Variants in SH3GL3 observed in about 807,000 individuals in gnomAD.
SH3GL3 encodes endophilin-A3.
A neutral mutation model predicts 47.7 loss-of-function variants in SH3GL3; 33 were observed. The ratio of observed to expected loss-of-function variants is 0.69; its 90% CI spans 0.52 to 0.92. The LOEUF is 0.92. Ranked by LOEUF, SH3GL3 falls within the 40% of genes least tolerant of loss-of-function variation. The probability of loss-of-function intolerance (pLI) is 0.00; values close to 1 mark genes in which losing one functional copy is unlikely to be tolerated. For missense variants in SH3GL3, 363 were observed against 417.8 expected, an observed-to-expected ratio of 0.87 and a Z score of 1.14; for synonymous variants, 155 against 148.8, an observed-to-expected ratio of 1.04 and a Z score of -0.30.
At chr15:83,526,597 G>T (rs1173864251) in intron 1 of SH3GL3, among the ~76,000 whole-genome samples, 1 of 152,094 alleles carries the variant, frequency 6.6e-6, no homozygotes, top group East Asian at 1.9e-4. Flanking sequence ...TCCCACTCAT[G>T]AGTGGGAGCT....
At chr15:83,627,124 C>T in the SH3GL3 span, among the ~76,000 whole-genome samples, 379 of 152,116 alleles carry the variant, frequency 2.5e-3, 2 homozygotes, top group African/African-American at 7.4e-3. Flanking sequence ...GGGCTGGGCG[C>T]GGTGGCTCAC....
intron 6 of SH3GL3, among the ~76,000 whole-genome samples, chr15:83,582,864 T>C (rs116410075): frequency 0.031 from 4,757 of 152,268 alleles, 260 homozygotes; most frequent in African/African-American, 0.11. Flanking sequence ...AGAATAAAAG[T>C]GTAAGGGATT....
At chr15:83,498,373 T>G (rs1223672827) in intron 1 of SH3GL3, among the ~76,000 whole-genome samples, 1 of 152,130 alleles carries the variant, frequency 6.6e-6, no homozygotes, top group Non-Finnish European at 1.5e-5. Flanking sequence ...TTTCTGGAAA[T>G]TAAGCATATC....
chr15:83,612,861 C>T (rs967294623), intron 8 of SH3GL3, among the ~76,000 whole-genome samples: 1 of 152,236 alleles, frequency 6.6e-6, no homozygotes, highest in Non-Finnish European at 1.5e-5. Flanking sequence ...TTCTCTCTCT[C>T]TCTCGCTCTT....
At chr15:83,494,580 T>C (rs1385489518) in intron 1 of SH3GL3, among the ~76,000 whole-genome samples, 1 of 151,468 alleles carries the variant, frequency 6.6e-6, no homozygotes, top group East Asian at 1.9e-4. Context: ...TCTTGCTCTG[T>C]CACCCAGGCT....
intron 1 of SH3GL3, among the ~76,000 whole-genome samples, chr15:83,537,200 G>A (rs1459808915): frequency 4.6e-5 from 7 of 152,098 alleles, no homozygotes; most frequent in Non-Finnish European, 8.8e-5. Flanking sequence ...TCTTCATGTT[G>A]CCCCTTCTGT....
intron 1 of SH3GL3, among the ~76,000 whole-genome samples, chr15:83,511,312 G>A (rs2042737409): frequency 6.6e-6 from 1 of 152,086 alleles, no homozygotes; most frequent in East Asian, 1.9e-4. Context: ...CAGAGTGCCT[G>A]GTGTGCAGTC....
intron 1 of SH3GL3, among the ~76,000 whole-genome samples, chr15:83,511,137 A>G (rs1263827973): frequency 6.9e-6 from 1 of 145,466 alleles, no homozygotes; most frequent in Non-Finnish European, 1.5e-5. Context: ...AACTTAAAGT[A>G]TAATAATAAT....
At chr15:83,621,933 G>C (rs571451139), downstream of SH3GL3, among the ~76,000 whole-genome samples, 1 of 152,056 alleles carries the variant, frequency 6.6e-6, no homozygotes, top group East Asian at 1.9e-4. Flanking sequence ...CTGATTCCAC[G>C]GTACATCACT....
At chr15:83,525,605 GC>G (rs2043386713) in intron 1 of SH3GL3, among the ~76,000 whole-genome samples, 1 of 152,068 alleles carries the variant, frequency 6.6e-6, no homozygotes, top group African/African-American at 2.4e-5. Context: ...CTAGAACAAT[GC>G]CCTGGAGTGT....
chr15:83,585,437 G>T (rs542198060), intron 6 of SH3GL3, among the ~76,000 whole-genome samples: 1 of 151,978 alleles, frequency 6.6e-6, no homozygotes, highest in African/African-American at 2.4e-5. Flanking sequence ...TAAAATGCAA[G>T]CATTTTTTAA....
At chr15:83,613,623 CTAT>C in intron 8 of SH3GL3, among the ~76,000 whole-genome samples, 1 of 12,550 alleles carries the variant, frequency 8.0e-5, no homozygotes, top group East Asian at 1.5e-3. Flanking sequence ...ATATATAAAT[CTAT>C]CTATCTATCT....
chr15:83,558,817 C>A (rs995402045), intron 1 of SH3GL3, among the ~76,000 whole-genome samples: 2 of 152,196 alleles, frequency 1.3e-5, no homozygotes, highest in Non-Finnish European at 2.9e-5. Flanking sequence ...GCCGTGGGCT[C>A]TCAAAGTCCA....
intron 8 of SH3GL3, among the ~76,000 whole-genome samples, chr15:83,614,480 C>G (rs74024517): frequency 0.013 from 2,054 of 152,318 alleles, 41 homozygotes; most frequent in African/African-American, 0.046. Flanking sequence ...ACCATTACCC[C>G]CTTCTCTTTC....
At chr15:83,536,260 G>A (rs1356117678) in intron 1 of SH3GL3, among the ~76,000 whole-genome samples, 1 of 152,172 alleles carries the variant, frequency 6.6e-6, no homozygotes, top group East Asian at 1.9e-4. Flanking sequence ...TGGATATGGT[G>A]GACAGGGCAT....
the SH3GL3 span, among the ~76,000 whole-genome samples, chr15:83,625,196 T>TTTA: frequency 6.6e-6 from 1 of 152,234 alleles, no homozygotes; most frequent in South Asian, 2.1e-4. Context: ...TGTTATTTAC[T>TTTA]TTATATGCAT....
Position 83,448,442 on chromosome 15 carries a change from ATGTGTGTGTGTGTG to A in SH3GL3, c.45+890_45+903del, listed in dbSNP as rs71156081. Among the ~76,000 whole-genome samples the A allele has an allele frequency of 4.1e-4, 58 of 140,740 alleles. 1 individual carries two copies. The East Asian group carries it at 0.011, about 27-fold the overall frequency. 92.3% of individuals were successfully genotyped at this position (140,740 alleles called of 152,430 possible). ...AAACAGGAGGGGAGACATGAAATTG[ATGTGTGTGTGTGTG>A]TGTGTGTGTGTGTGTGTGTGTGTGT... On this transcript the variant is annotated intron_variant, in intron 1 of 8. Coordinates refer to ENST00000427482, the MANE Select transcript of SH3GL3 (RefSeq NM_003027.5). The surrounding 1 kb of genome is among the most constrained non-coding windows in gnomAD (Gnocchi z 4.2).
At chr15:83,627,206 G>T in the SH3GL3 span, among the ~76,000 whole-genome samples, 1 of 152,070 alleles carries the variant, frequency 6.6e-6, no homozygotes. Flanking sequence ...GACCATCCTG[G>T]CTAACACGGT....
intron 1 of SH3GL3, among the ~76,000 whole-genome samples, chr15:83,503,157 A>T (rs1377996790): frequency 6.6e-6 from 1 of 152,230 alleles, no homozygotes; most frequent in Non-Finnish European, 1.5e-5. Flanking sequence ...ACATTATAAA[A>T]TACAAAAAAA....
Sources: gnomAD v4.1 joint callset for allele counts (sites outside exome capture counted in the v4.1 genomes callset) on GRCh38, gnomAD v4.1.1 for gene constraint, Gnocchi (gnomAD v3.1) non-coding constraint, MANE v1.5 for transcripts, NCBI Gene and HGNC (gene_info 2026-07-23, HGNC 2026-07-21) for gene names.